Variants in LRRFIP1 observed in about 807,000 individuals in gnomAD.
LRRFIP1 encodes the protein leucine-rich repeat flightless-interacting protein 1.
A neutral mutation model predicts 104.4 loss-of-function variants in LRRFIP1; 62 were observed. That is an observed-to-expected ratio of 0.59 (90% CI 0.48 to 0.73). The LOEUF is 0.73. LRRFIP1 is among the 30% of genes least tolerant of loss of function. The probability of loss-of-function intolerance (pLI) is 0.00; values close to 1 mark genes in which losing one functional copy is unlikely to be tolerated. For missense variants in LRRFIP1, 796 were observed against 824.5 expected, an observed-to-expected ratio of 0.97 and a Z score of 0.42; for synonymous variants, 300 against 299.0, an observed-to-expected ratio of 1.00 and a Z score of -0.03.
At chr2:237,748,785 T>C (rs1000636386) in intron 12 of LRRFIP1, among the ~76,000 whole-genome samples, 13 of 152,104 alleles carry the variant, frequency 8.5e-5, no homozygotes, top group African/African-American at 1.2e-4. Context: ...GCAGTTTTGG[T>C]TTTGTCTGAA....
At chr2:237,772,423 C>G (rs2060720761) in intron 21 of LRRFIP1, 2 of 508,306 alleles carry the variant, frequency 3.9e-6, no homozygotes, top group East Asian at 3.1e-5. Flanking sequence ...CACCAAGATA[C>G]CACCACATGT....
At chr2:237,699,342 T>A (rs924520734) in intron 1 of LRRFIP1, among the ~76,000 whole-genome samples, 1 of 149,512 alleles carries the variant, frequency 6.7e-6, no homozygotes, top group Non-Finnish European at 1.5e-5. Flanking sequence ...GTGGTTTTTC[T>A]TTTCTTTTTT....
At chr2:237,775,640 T>C (rs2061019671) in intron 23 of LRRFIP1, among the ~76,000 whole-genome samples, 1 of 152,200 alleles carries the variant, frequency 6.6e-6, no homozygotes, top group African/African-American at 2.4e-5. Flanking sequence ...AAGACCAGTG[T>C]GGGCAACATA....
intron 1 of LRRFIP1, among the ~76,000 whole-genome samples, chr2:237,686,126 A>G (rs1286740711): frequency 6.6e-6 from 1 of 152,112 alleles, no homozygotes; most frequent in Admixed American, 6.5e-5. Context: ...TGTTCTGTGC[A>G]TGCTGCCTGA....
At chr2:237,736,581 A>C (rs960202234) in intron 10 of LRRFIP1, among the ~76,000 whole-genome samples, 8 of 152,172 alleles carry the variant, frequency 5.3e-5, no homozygotes, top group African/African-American at 1.9e-4. Context: ...TCCAGATGCT[A>C]CTGTGTCACG....
At position 237,764,789 on chromosome 2, in the gene LRRFIP1, C is replaced by T. The variant is rs150887565; in HGVS notation, c.1459+4584C>T. On this transcript the variant is annotated intron_variant, in intron 19 of 23. Coordinates refer to ENST00000308482, the MANE Select transcript of LRRFIP1 (RefSeq NM_001137550.2). ...CTCATATGAGTCTTTGATCTTGAACCGATACTTTTGGATCTCATTGTTGAT... is the reference window on the plus strand; with the variant it reads ...CTCATATGAGTCTTTGATCTTGAACTGATACTTTTGGATCTCATTGTTGAT... 1,135 of 985,790 alleles carry T rather than the reference C, an allele frequency of 1.2e-3. 4 individuals are homozygous for T. The East Asian group carries it at 0.017, about 15-fold the overall frequency. The allele number at this position is 985,790 out of a possible 1,614,324, so 61.1% of individuals were successfully genotyped here.
intron 20 of LRRFIP1, chr2:237,771,828 G>T: frequency 2.4e-6 from 1 of 410,110 alleles, no homozygotes; most frequent in Non-Finnish European, 4.5e-6. Flanking sequence ...AAACATTGCA[G>T]GTATTTCATG....
chr2:237,647,234 C>G (rs950800253), intron 1 of LRRFIP1, among the ~76,000 whole-genome samples: 5 of 152,006 alleles, frequency 3.3e-5, no homozygotes, highest in African/African-American at 1.2e-4. Context: ...CAGCTTCTCT[C>G]TTGGGCACAC....
At chr2:237,736,249 A>G (rs1455739979) in intron 10 of LRRFIP1, among the ~76,000 whole-genome samples, 2 of 152,212 alleles carry the variant, frequency 1.3e-5, no homozygotes, top group African/African-American at 4.8e-5. Context: ...TTGACATAGC[A>G]TTCGTTTTTG....
chr2:237,751,959 C>T (rs1321705726), intron 14 of LRRFIP1, among the ~76,000 whole-genome samples: 1 of 152,146 alleles, frequency 6.6e-6, no homozygotes, highest in Non-Finnish European at 1.5e-5. Context: ...TCCTTTTCAG[C>T]CCCCTAGAAA....
chr2:237,751,082 T>G (rs116711756), intron 13 of LRRFIP1, 118 bp from the exon 14 acceptor site: 6,604 of 643,274 alleles, frequency 0.01, 314 homozygotes, highest in African/African-American at 0.1. Flanking sequence ...CTTAATAAAA[T>G]AAAAAAGAAA....
chr2:237,700,235 A>G (rs1397020702), intron 1 of LRRFIP1, among the ~76,000 whole-genome samples: 3 of 152,174 alleles, frequency 2.0e-5, no homozygotes, highest in East Asian at 1.9e-4. Flanking sequence ...GGCTCAGGAA[A>G]GGGATCCCGT....
intron 14 of LRRFIP1, among the ~76,000 whole-genome samples, chr2:237,752,054 T>C (rs2058689776): frequency 6.6e-6 from 1 of 152,162 alleles, no homozygotes; most frequent in Non-Finnish European, 1.5e-5. Flanking sequence ...ACTATCTTCA[T>C]ATCTGCCACC....
rs139095607 is a variant in LRRFIP1 at position 237,721,256 on chromosome 2, G to A, written c.345+434G>A. ...GTTAATTATTATTGAGCAATGTTTT[G>A]GCATAGCCACTATAGACTGCCTGCT... On this transcript the variant is annotated intron_variant, in intron 6 of 23. Transcript: ENST00000308482. 3.0e-3 allele frequency: 500 copies of A among 168,788 alleles called. 5 individuals carry two copies. Among genetic ancestry groups the A allele is most frequent in the African/African-American group, 0.012 (486 of 42,142 alleles). The allele number at this position is 168,788 out of a possible 1,614,324, so 10.5% of individuals were successfully genotyped here. A position where few individuals can be genotyped will look rare whatever the true frequency, so the allele number is the denominator to read the frequency against.
chr2:237,742,302 T>G (rs1408686749), intron 11 of LRRFIP1, among the ~76,000 whole-genome samples: 2 of 152,300 alleles, frequency 1.3e-5, no homozygotes, highest in East Asian at 3.9e-4. Context: ...GTCAGTTGAT[T>G]GCGGGCTGGT....
intron 11 of LRRFIP1, among the ~76,000 whole-genome samples, chr2:237,747,498 C>T (rs1159616254): frequency 6.6e-6 from 1 of 152,196 alleles, no homozygotes; most frequent in African/African-American, 2.4e-5. Context: ...CCGGCACCAG[C>T]GTCTGTGCAG....
Position 237,649,898 on chromosome 2 carries a change from G to A in LRRFIP1, c.96+22158G>A, listed in dbSNP as rs746240239. On this transcript the variant is annotated intron_variant, in intron 1 of 23. Coordinates refer to ENST00000308482, the MANE Select transcript of LRRFIP1 (RefSeq NM_001137550.2). This position sits in a 1 kb window ranked among gnomAD's most constrained non-coding sequence, Gnocchi z 4.1. ...CATGTCCTAATATACTGCAGCCTTC[G>A]AAAGAGATGTAGTCCTCATCTGAAA... is the stretch of plus-strand genomic sequence containing the variant. Among the ~76,000 whole-genome samples the A allele has an allele frequency of 6.6e-5, 10 of 152,000 alleles. No homozygotes were observed. Among genetic ancestry groups the A allele is most frequent in the Middle Eastern group, 3.4e-3 (1 of 294 alleles).
chr2:237,699,801 C>T (rs1274439344), intron 1 of LRRFIP1, among the ~76,000 whole-genome samples: 1 of 149,282 alleles, frequency 6.7e-6, no homozygotes, highest in Non-Finnish European at 1.5e-5. Context: ...ACATCCCAGT[C>T]CCCCCAACAT....
chr2:237,739,942 T>C (rs1254177463), intron 11 of LRRFIP1, among the ~76,000 whole-genome samples: 1 of 152,200 alleles, frequency 6.6e-6, no homozygotes, highest in African/African-American at 2.4e-5. Context: ...AGGACGGTTT[T>C]GGACTGGGGC....
Sources: gnomAD v4.1 joint callset for allele counts (sites outside exome capture counted in the v4.1 genomes callset) on GRCh38, gnomAD v4.1.1 for gene constraint, Gnocchi (gnomAD v3.1) non-coding constraint, MANE v1.5 for transcripts, NCBI Gene and HGNC (gene_info 2026-07-23, HGNC 2026-07-21) for gene names.